KLF17: variants seen among roughly 807,000 people sequenced by gnomAD.
KLF17 encodes KLF transcription factor 17.
A neutral mutation model predicts 34.2 loss-of-function variants in KLF17; 31 were observed. That is an observed-to-expected ratio of 0.91 (90% confidence interval 0.68 to 1.22). The LOEUF (loss-of-function observed/expected upper bound fraction) is 1.22, where lower values mean the gene tolerates loss of function less well. Among genes scored for constraint, KLF17 ranks in the 50% most tolerant of loss-of-function variants. The pLI, the probability that KLF17 is intolerant of heterozygous loss-of-function variation, is 0.00. For missense variants in KLF17, 478 were observed against 505.2 expected (o/e 0.95, Z 0.52); for synonymous variants, 179 against 186.7 (o/e 0.96, Z 0.34).
chr1:44,075,855 T>G, the KLF17 span, among the ~76,000 whole-genome samples: 2 of 152,224 alleles, frequency 1.3e-5, no homozygotes, highest in Non-Finnish European at 2.9e-5. Flanking sequence ...ACATTTTTGT[T>G]TATGTGATCT....
At chr1:44,071,050 C>T in the KLF17 span, among the ~76,000 whole-genome samples, 1 of 152,132 alleles carries the variant, frequency 6.6e-6, no homozygotes, top group African/African-American at 2.4e-5. Flanking sequence ...TTCCTCAACC[C>T]CCTGCAACTT....
At chr1:44,130,335 G>A in intron 2 of KLF17, 139 bp downstream of exon 2, 3 of 1,423,190 alleles carry the variant, frequency 2.1e-6, no homozygotes, top group East Asian at 2.3e-5. Context: ...CCCCCGACTT[G>A]CCATACAGGA....
chr1:44,115,426 G>A (rs2087870133), upstream of KLF17: 1 of 140,578 alleles, frequency 7.1e-6, no homozygotes, highest in Non-Finnish European at 1.5e-5. Flanking sequence ...ACTCTAGCCT[G>A]GGCAATGGAG....
chr1:44,119,977 T>C (rs1337611062), intron 1 of KLF17, among the ~76,000 whole-genome samples: 1 of 151,714 alleles, frequency 6.6e-6, no homozygotes, highest in Non-Finnish European at 1.5e-5. Context: ...GAAGTGAGAG[T>C]GGAGATGGAG....
chr1:44,109,882 T>C, the KLF17 span, among the ~76,000 whole-genome samples: 2 of 148,656 alleles, frequency 1.3e-5, no homozygotes, highest in South Asian at 4.2e-4. Flanking sequence ...GCCATATACA[T>C]ATATCTTTTT....
At chr1:44,131,062 T>C (rs1287371734) in intron 3 of KLF17, among the ~76,000 whole-genome samples, 1 of 152,242 alleles carries the variant, frequency 6.6e-6, no homozygotes, top group African/African-American at 2.4e-5. Context: ...CCCAAAGTGC[T>C]GGGATTACAG....
chr1:44,109,665 C>T, the KLF17 span, among the ~76,000 whole-genome samples: 5 of 152,202 alleles, frequency 3.3e-5, no homozygotes, highest in Admixed American at 1.3e-4. Flanking sequence ...AACACACAGA[C>T]GTACTCCTCT....
chr1:44,077,315 A>T, the KLF17 span, among the ~76,000 whole-genome samples: 37 of 152,238 alleles, frequency 2.4e-4, no homozygotes, highest in African/African-American at 8.7e-4. Context: ...ACTGCACTCC[A>T]GCCTAGGTGA....
the KLF17 span, among the ~76,000 whole-genome samples, chr1:44,059,049 G>A: frequency 1.3e-5 from 2 of 152,248 alleles, no homozygotes; most frequent in Non-Finnish European, 2.9e-5. Context: ...TACACCTACG[G>A]CTGTTAAACT....
At chr1:44,102,615 GAAAAGA>G in the KLF17 span, among the ~76,000 whole-genome samples, 1 of 70,116 alleles carries the variant, frequency 1.4e-5, no homozygotes, top group African/African-American at 4.8e-5. Context: ...CACACACACA[GAAAAGA>G]AAAAGAAAAA....
At chr1:44,062,885 G>T in the KLF17 span, among the ~76,000 whole-genome samples, 1 of 152,094 alleles carries the variant, frequency 6.6e-6, no homozygotes, top group Non-Finnish European at 1.5e-5. Context: ...TCTATTCCTG[G>T]CTATATCCTC....
the KLF17 span, among the ~76,000 whole-genome samples, chr1:44,071,990 T>TTG: frequency 6.6e-6 from 1 of 151,694 alleles, no homozygotes; most frequent in South Asian, 2.1e-4. Context: ...CTGTTTTTTT[T>TTG]TGGGGGGGGA....
At chr1:44,085,052 C>T in the KLF17 span, among the ~76,000 whole-genome samples, 2 of 151,236 alleles carry the variant, frequency 1.3e-5, no homozygotes, top group Non-Finnish European at 2.9e-5. Flanking sequence ...ACTGTTCATT[C>T]ATTCAGTGAA....
chr1:44,113,747 CA>C, the KLF17 span: 3 of 152,178 alleles, frequency 2.0e-5, no homozygotes, highest in Non-Finnish European at 2.9e-5. Flanking sequence ...CTTTGAATCA[CA>C]AAAAGATAAA....
the KLF17 span, among the ~76,000 whole-genome samples, chr1:44,111,727 A>G: frequency 6.6e-6 from 1 of 152,064 alleles, no homozygotes; most frequent in African/African-American, 2.4e-5. Flanking sequence ...CCCCATCTCT[A>G]CTAAAAATAC....
the KLF17 span, among the ~76,000 whole-genome samples, chr1:44,096,186 C>A: frequency 6.6e-6 from 1 of 152,036 alleles, no homozygotes; most frequent in Non-Finnish European, 1.5e-5. Flanking sequence ...AAGTGATCCA[C>A]CCACCTTGGC....
the KLF17 span, among the ~76,000 whole-genome samples, chr1:44,111,015 C>A: frequency 1.3e-5 from 2 of 151,938 alleles, no homozygotes; most frequent in African/African-American, 4.8e-5. Flanking sequence ...GAGACAAGGT[C>A]TCTCTCTGCC....
chr1:44,054,906 A>G, the KLF17 span, among the ~76,000 whole-genome samples: 6 of 150,556 alleles, frequency 4.0e-5, no homozygotes, highest in Non-Finnish European at 5.9e-5. Context: ...CAGCCTCCCA[A>G]GTAGCTGGGA....
At chr1:44,105,873 G>A in the KLF17 span, among the ~76,000 whole-genome samples, 43,736 of 151,886 alleles carry the variant, frequency 0.29, 6,588 homozygotes, top group South Asian at 0.34. Flanking sequence ...AGTGGAAAGT[G>A]GCCTCTGCAG....
Sources: allele counts gnomAD v4.1 joint callset (sites outside exome capture counted in the v4.1 genomes callset), GRCh38; gene constraint gnomAD v4.1.1; transcripts MANE v1.5; gene names NCBI Gene and HGNC (gene_info 2026-07-23, HGNC 2026-07-21).